The following LEPR variants were observed in gnomAD, a reference collection of about 807,000 sequenced individuals.
LEPR encodes OB receptor.
In LEPR, 56 loss-of-function variants were observed where a neutral mutation model predicts 114.7. The ratio of observed to expected loss-of-function variants is 0.49; its 90% CI spans 0.39 to 0.61. LEPR has a LOEUF of 0.61. Among genes scored for constraint, LEPR ranks in the 20% least tolerant of loss-of-function variants. The pLI is 0.00. For missense variants in LEPR, 1,202 were observed against 1,352.9 expected (o/e 0.89, Z 1.75); for synonymous variants, 443 against 461.4 (o/e 0.96, Z 0.51).
Position 65,589,267 on chromosome 1 carries a change from T to C in LEPR, c.495-3390T>C, listed in dbSNP as rs1655525501. Among the ~76,000 whole-genome samples the C allele has an allele frequency of 2.6e-5, 4 of 152,036 alleles. No homozygotes were observed. In the South Asian group the frequency reaches 8.3e-4, roughly 32 times the overall value. On this transcript the variant is annotated intron_variant, in intron 5 of 19. Transcript: ENST00000349533. ...TTTGCCTATCTTTTTAACTGGGTTG[T>C]TTGTATTATTATTATTTAGTTTTGA...
chr1:65,426,729 T>C (rs1233010087), intron 2 of LEPR, among the ~76,000 whole-genome samples: 2 of 152,192 alleles, frequency 1.3e-5, no homozygotes, highest in African/African-American at 4.8e-5. Context: ...CCAGGCACCA[T>C]GGCTCACGCC....
intron 2 of LEPR, among the ~76,000 whole-genome samples, chr1:65,521,790 A>T (rs564834581): frequency 6.6e-6 from 1 of 152,268 alleles, no homozygotes; most frequent in East Asian, 1.9e-4. Flanking sequence ...TGGAAATGGC[A>T]TTGGTACTAT....
intron 7 of LEPR, among the ~76,000 whole-genome samples, chr1:65,598,303 C>G (rs1656215717): frequency 6.6e-6 from 1 of 151,914 alleles, no homozygotes. Flanking sequence ...TCTACCCCTG[C>G]ACAGCATTTT....
At position 65,506,551 on chromosome 1, in the gene LEPR, G is replaced by A. The variant is rs1177819919; in HGVS notation, c.-20-58995G>A. 2.0e-5 allele frequency among the ~76,000 whole-genome samples: 3 copies of A among 152,134 alleles called. 1 individual carries two copies. Among genetic ancestry groups the A allele is most frequent in the African/African-American group, 4.8e-5 (2 of 41,412 alleles). On this transcript the variant is annotated intron_variant, in intron 2 of 19. Transcript: ENST00000349533. ...GAACTTCCATGTTCACAGATCCAGC[G>A]CTGTTAACTTTATACTAGTCTAAGT...
At chr1:65,528,241 G>A (rs1490922038) in intron 2 of LEPR, among the ~76,000 whole-genome samples, 2 of 151,680 alleles carry the variant, frequency 1.3e-5, no homozygotes, top group African/African-American at 2.4e-5. Context: ...CACTTAAAGA[G>A]TATGTCCTGT....
At chr1:65,435,059 G>T (rs1306278007) in intron 2 of LEPR, 1 of 985,336 alleles carries the variant, frequency 1.0e-6, no homozygotes, top group African/African-American at 1.7e-5. Flanking sequence ...GAGAATGGGA[G>T]AACGGAATGA....
intron 2 of LEPR, among the ~76,000 whole-genome samples, chr1:65,498,155 A>T (rs1648257976): frequency 6.6e-6 from 1 of 152,132 alleles, no homozygotes; most frequent in Non-Finnish European, 1.5e-5. Context: ...ATGAAAGAGA[A>T]TATGACCCCC....
intron 2 of LEPR, among the ~76,000 whole-genome samples, chr1:65,495,721 T>G (rs1254810119): frequency 6.6e-6 from 1 of 152,078 alleles, no homozygotes; most frequent in East Asian, 1.9e-4. Context: ...TATTCAACCA[T>G]AAAAAAGAAA....
chr1:65,610,332 T>C (rs772336352), intron 14 of LEPR, 36 bp downstream of exon 14: 2 of 1,516,036 alleles, frequency 1.3e-6, no homozygotes, highest in South Asian at 2.3e-5. Flanking sequence ...TAAATTGTAT[T>C]TTTATACTCT....
intron 19 of LEPR, chr1:65,635,410 A>G (rs1370755495): frequency 1.0e-6 from 1 of 973,668 alleles, no homozygotes; most frequent in Admixed American, 6.2e-5. Flanking sequence ...AATCACTTCT[A>G]TAAAAAATAT....
At chr1:65,629,223 C>A (rs573329728) in intron 19 of LEPR, 10 of 270,620 alleles carry the variant, frequency 3.7e-5, no homozygotes, top group Middle Eastern at 8.5e-4. Flanking sequence ...TTTCTTGGAG[C>A]TCCCCTGCTA....
intron 2 of LEPR, among the ~76,000 whole-genome samples, chr1:65,532,203 CAA>C (rs1650451601): frequency 6.6e-6 from 1 of 152,146 alleles, no homozygotes; most frequent in Admixed American, 6.5e-5. Flanking sequence ...TTCACTGATG[CAA>C]AGTCTCCTAT....
At chr1:65,618,921 G>A (rs994333451) in intron 16 of LEPR, among the ~76,000 whole-genome samples, 1 of 152,148 alleles carries the variant, frequency 6.6e-6, no homozygotes, top group Non-Finnish European at 1.5e-5. Flanking sequence ...CACTAACAAT[G>A]AGTGGGAATG....
chr1:65,473,079 C>T (rs1273879026), intron 2 of LEPR, among the ~76,000 whole-genome samples: 3 of 152,326 alleles, frequency 2.0e-5, no homozygotes, highest in East Asian at 1.9e-4. Context: ...GTCCATTGTT[C>T]TTTAGCTTCC....
chr1:65,447,144 T>A (rs1020917655), intron 2 of LEPR, among the ~76,000 whole-genome samples: 1 of 152,128 alleles, frequency 6.6e-6, no homozygotes, highest in Non-Finnish European at 1.5e-5. Context: ...TGGATCATAG[T>A]TTTGGCATCT....
At chr1:65,436,063 C>G in intron 2 of LEPR, 2 of 984,596 alleles carry the variant, frequency 2.0e-6, no homozygotes, top group Non-Finnish European at 2.4e-6. Context: ...CTTTGCGGTA[C>G]GTTACATTTG....
intron 2 of LEPR, among the ~76,000 whole-genome samples, chr1:65,441,261 G>C (rs552584931): frequency 2.6e-5 from 4 of 152,250 alleles, no homozygotes; most frequent in South Asian, 2.1e-4. Context: ...TGTCCCTGGG[G>C]CCTGCAGATG....
Position 65,454,449 on chromosome 1 carries a change from T to C in LEPR, c.-21+29071T>C, listed in dbSNP as rs1013749734. ...TTGTTCCTTTCCATGTTTAGCGCTT[T>C]CTTCAGGAGCTCATTTAGGGCAGGC... On this transcript the variant is annotated intron_variant, in intron 2 of 19. Transcript: ENST00000349533. 7.9e-5 allele frequency among the ~76,000 whole-genome samples: 12 copies of C among 152,292 alleles called. No individual in the cohort carries two copies. In the East Asian group the frequency reaches 9.6e-4, roughly 12 times the overall value.
At chr1:65,558,555 T>G (rs1235750344) in intron 2 of LEPR, among the ~76,000 whole-genome samples, 1 of 82,696 alleles carries the variant, frequency 1.2e-5, no homozygotes, top group Non-Finnish European at 2.6e-5. Flanking sequence ...TTTTGTTTTT[T>G]TTTTTTTTTA....
Sources: allele counts gnomAD v4.1 joint callset (sites outside exome capture counted in the v4.1 genomes callset), GRCh38; gene constraint gnomAD v4.1.1; transcripts MANE v1.5; gene names NCBI Gene and HGNC (gene_info 2026-07-23, HGNC 2026-07-21).